Variants in EXOC4 observed in about 807,000 individuals in gnomAD.
EXOC4 encodes exocyst complex component 4, also known as SEC8-like 1.
Under a neutral mutation model 107.2 loss-of-function variants are expected in EXOC4, and 71 were observed. The ratio of observed to expected loss-of-function variants is 0.66; its 90% CI spans 0.55 to 0.81. The LOEUF is 0.81. EXOC4 is among the 30% of genes least tolerant of loss of function. The pLI is 0.00. For synonymous variants in EXOC4, 456 were observed against 441.2 expected, an observed-to-expected ratio of 1.03 and a Z score of -0.42; for missense variants, 1,108 against 1,189.6, an observed-to-expected ratio of 0.93 and a Z score of 1.01.
At chr7:133,746,769 A>T (rs1369729875) in intron 10 of EXOC4, among the ~76,000 whole-genome samples, 1 of 152,198 alleles carries the variant, frequency 6.6e-6, no homozygotes, top group Non-Finnish European at 1.5e-5. Flanking sequence ...CTCATCTGTT[A>T]CTAAAAAATT....
At chr7:133,819,098 T>A (rs1357684700) in intron 11 of EXOC4, among the ~76,000 whole-genome samples, 1 of 152,044 alleles carries the variant, frequency 6.6e-6, no homozygotes, top group Non-Finnish European at 1.5e-5. Flanking sequence ...CCTCCATAGC[T>A]CCAGCTCTCA....
intron 17 of EXOC4, among the ~76,000 whole-genome samples, chr7:134,022,712 C>T (rs1474132124): frequency 6.6e-6 from 1 of 152,192 alleles, no homozygotes; most frequent in East Asian, 1.9e-4. Flanking sequence ...CTTTTGGCAG[C>T]TGTTTTAACA....
At chr7:133,316,505 A>G (rs1034767874) in intron 4 of EXOC4, among the ~76,000 whole-genome samples, 1 of 152,214 alleles carries the variant, frequency 6.6e-6, no homozygotes, top group Non-Finnish European at 1.5e-5. Context: ...TTGGCTTGGC[A>G]TAGCCTGCAT....
At chr7:134,095,852 AC>A in the EXOC4 span, among the ~76,000 whole-genome samples, 2 of 152,198 alleles carry the variant, frequency 1.3e-5, no homozygotes, top group Non-Finnish European at 2.9e-5. Context: ...AAGACCCCAA[AC>A]TTTAAGAATC....
downstream of EXOC4, among the ~76,000 whole-genome samples, chr7:134,068,127 T>G (rs1286736629): frequency 6.6e-6 from 1 of 152,130 alleles, no homozygotes; most frequent in Non-Finnish European, 1.5e-5. Flanking sequence ...TTGAAACCCA[T>G]CCTCTTGAAA....
rs550173253 is a variant in EXOC4, at chr7:133,696,602, G to A, written c.1514+66461G>A. Among the ~76,000 whole-genome samples, 8 of 152,174 alleles carry A rather than the reference G, an allele frequency of 5.3e-5. No individual in the cohort carries two copies. The East Asian group carries it at 7.7e-4, about 15-fold the overall frequency. The stretch of plus-strand genomic sequence containing the variant: ...ACAGTATTTTAAATGCAAAACAAAC[G>A]TATGTTTCCACTCAAATTCTGGTCT... On this transcript the variant is annotated intron_variant, in intron 10 of 17. Coordinates refer to ENST00000253861, the MANE Select transcript of EXOC4 (RefSeq NM_021807.4).
intron 9 of EXOC4, among the ~76,000 whole-genome samples, chr7:133,512,428 TAA>T (rs371729448): frequency 7.0e-6 from 1 of 142,258 alleles, no homozygotes; most frequent in Non-Finnish European, 1.6e-5. Context: ...GACTCCATCT[TAA>T]AAAAAAAAAA....
chr7:133,739,658 C>T (rs1795522413), intron 10 of EXOC4, among the ~76,000 whole-genome samples: 1 of 152,218 alleles, frequency 6.6e-6, no homozygotes, highest in Non-Finnish European at 1.5e-5. Flanking sequence ...CTGGCTACTG[C>T]TTTACTTCCA....
chr7:133,459,290 C>T (rs1302132273), intron 7 of EXOC4, among the ~76,000 whole-genome samples: 2 of 152,088 alleles, frequency 1.3e-5, no homozygotes, highest in South Asian at 2.1e-4. Context: ...TCATAAGTAC[C>T]GAGTTAGGCA....
intron 11 of EXOC4, among the ~76,000 whole-genome samples, chr7:133,869,965 A>G (rs965050628): frequency 2.0e-5 from 3 of 152,200 alleles, no homozygotes; most frequent in African/African-American, 7.2e-5. Context: ...AGTTGTAATT[A>G]TATGTTCAAA....
intron 7 of EXOC4, among the ~76,000 whole-genome samples, chr7:133,429,595 A>T (rs895652189): frequency 1.3e-5 from 2 of 152,196 alleles, no homozygotes; most frequent in African/African-American, 4.8e-5. Context: ...ACTCACCATT[A>T]GCAGTCACTC....
chr7:133,527,191 G>A (rs1263823448), intron 9 of EXOC4, among the ~76,000 whole-genome samples: 1 of 151,876 alleles, frequency 6.6e-6, no homozygotes, highest in Non-Finnish European at 1.5e-5. Context: ...ATCACCTGAG[G>A]TCAGGAGTTC....
chr7:133,367,023 G>T (rs1304129707), intron 6 of EXOC4, among the ~76,000 whole-genome samples: 2 of 152,070 alleles, frequency 1.3e-5, no homozygotes, highest in Non-Finnish European at 2.9e-5. Context: ...GAGGGAGGAG[G>T]GGAGGTAAGG....
At chr7:133,938,471 T>G (rs1392804948) in intron 14 of EXOC4, among the ~76,000 whole-genome samples, 1 of 152,228 alleles carries the variant, frequency 6.6e-6, no homozygotes, top group Admixed American at 6.5e-5. Flanking sequence ...CTCATTTTAC[T>G]TGACATAAAG....
chr7:134,021,722 GAAAAAAAAAAAAA>G lies in EXOC4; in HGVS notation c.2687+13899_2687+13911del, dbSNP rs60762484. On this transcript the variant is annotated intron_variant, in intron 17 of 17. Transcript: ENST00000253861. ...CTCAGTTGCAGATGGAGTCAAACCA[GAAAAAAAAAAAAA>G]AAAAAAAAAAAGTGGAGTAGGAGAG... Among the ~76,000 whole-genome samples the G allele has an allele frequency of 2.8e-4, 15 of 53,746 alleles. No individual in the cohort carries two copies. In the East Asian group the frequency reaches 3.8e-3, roughly 13 times the overall value. 35.3% of individuals were successfully genotyped at this position (53,746 alleles called of 152,430 possible).
chr7:133,354,999 C>T (rs1168100996), intron 5 of EXOC4, among the ~76,000 whole-genome samples: 1 of 152,146 alleles, frequency 6.6e-6, no homozygotes. Flanking sequence ...GTTTTATAAG[C>T]TGGGAACCCC....
intron 17 of EXOC4, among the ~76,000 whole-genome samples, chr7:134,039,497 G>C (rs1310519123): frequency 6.6e-6 from 1 of 152,136 alleles, no homozygotes; most frequent in Admixed American, 6.6e-5. Flanking sequence ...CAAAACATTA[G>C]GGATCAGAAC....
At chr7:133,397,595 TCTTC>T (rs373113907) in intron 7 of EXOC4, among the ~76,000 whole-genome samples, 1 of 152,152 alleles carries the variant, frequency 6.6e-6, no homozygotes. Flanking sequence ...ATATTTTGCC[TCTTC>T]CTTATTTTAT....
At chr7:133,881,337 A>G (rs1420468500) in intron 11 of EXOC4, among the ~76,000 whole-genome samples, 1 of 120,924 alleles carries the variant, frequency 8.3e-6, no homozygotes, top group Non-Finnish European at 1.6e-5. Flanking sequence ...CCTGAATCCC[A>G]TGCTGTTTCA....
Sources: gnomAD v4.1 joint callset for allele counts (sites outside exome capture counted in the v4.1 genomes callset) on GRCh38, gnomAD v4.1.1 for gene constraint, MANE v1.5 for transcripts, NCBI Gene and HGNC (gene_info 2026-07-23, HGNC 2026-07-21) for gene names.